CDH2: variants seen among roughly 807,000 people sequenced by gnomAD.
CDH2 encodes the protein cadherin-2.
Under a neutral mutation model 92.0 loss-of-function variants are expected in CDH2, and 17 were observed. The observed-to-expected ratio is 0.18, with a 90% CI of 0.13 to 0.28. CDH2 has a LOEUF of 0.28. CDH2 is among the 10% of genes least tolerant of loss of function. The probability of loss-of-function intolerance (pLI) is 1.00; values close to 1 mark genes in which losing one functional copy is unlikely to be tolerated. For synonymous variants in CDH2, 419 were observed against 415.9 expected (o/e 1.01, Z -0.09); for missense variants, 862 against 1,133.1 (o/e 0.76, Z 3.44).
At chr18:28,078,035 G>A (rs979449337) in intron 2 of CDH2, among the ~76,000 whole-genome samples, 1 of 151,584 alleles carries the variant, frequency 6.6e-6, no homozygotes, top group Non-Finnish European at 1.5e-5. Context: ...CAACATCAAA[G>A]TTGGACATAA....
At chr18:28,133,919 G>T (rs2144300316) in intron 2 of CDH2, among the ~76,000 whole-genome samples, 1 of 152,214 alleles carries the variant, frequency 6.6e-6, no homozygotes, top group Admixed American at 6.5e-5. Context: ...AACACTCTGG[G>T]AGGCCGAAGC....
intron 14 of CDH2, among the ~76,000 whole-genome samples, chr18:27,971,280 T>C (rs1242092892): frequency 6.7e-6 from 1 of 149,902 alleles, no homozygotes; most frequent in Admixed American, 6.6e-5. Flanking sequence ...GCTAGAACAC[T>C]GGCCTATAGC....
At chr18:28,034,644 A>G (rs1415763114) in intron 2 of CDH2, among the ~76,000 whole-genome samples, 2 of 151,968 alleles carry the variant, frequency 1.3e-5, no homozygotes, top group Non-Finnish European at 2.9e-5. Context: ...CTTTTGCTAA[A>G]GTTCGTATGT....
At chr18:28,091,039 T>C (rs2015027712) in intron 2 of CDH2, among the ~76,000 whole-genome samples, 1 of 152,208 alleles carries the variant, frequency 6.6e-6, no homozygotes, top group Non-Finnish European at 1.5e-5. Context: ...TTGCATTTAA[T>C]TGCATAGGCT....
intron 2 of CDH2, among the ~76,000 whole-genome samples, chr18:28,135,039 G>A (rs1026829518): frequency 3.3e-5 from 5 of 152,096 alleles, no homozygotes; most frequent in African/African-American, 9.7e-5. Context: ...TCCAGACTGC[G>A]TACAGATACG....
intron 6 of CDH2, among the ~76,000 whole-genome samples, chr18:27,941,287 G>A (rs770341686): frequency 6.6e-6 from 1 of 151,882 alleles, no homozygotes; most frequent in Admixed American, 6.6e-5. Context: ...CGCCCGTCTC[G>A]GCCTCCTAAA....
chr18:27,963,689 C>T, intron 14 of CDH2, 168 bp from the exon 15 acceptor site: 2 of 598,298 alleles, frequency 3.3e-6, no homozygotes, highest in Non-Finnish European at 5.9e-6. Flanking sequence ...ATTTCTTTCA[C>T]ACAGCTCTTT....
chr18:28,176,558 C>G (rs1365079190), intron 1 of CDH2, among the ~76,000 whole-genome samples: 2 of 152,170 alleles, frequency 1.3e-5, no homozygotes, highest in African/African-American at 4.8e-5. Context: ...CGACCCATCC[C>G]TGCAGAAATA....
At chr18:28,097,611 AT>A (rs777739672) in intron 2 of CDH2, among the ~76,000 whole-genome samples, 3 of 152,208 alleles carry the variant, frequency 2.0e-5, no homozygotes, top group Non-Finnish European at 4.4e-5. Flanking sequence ...CATAGTGTGT[AT>A]TATAAGTAAT....
intron 2 of CDH2, among the ~76,000 whole-genome samples, chr18:28,027,160 C>T (rs975460854): frequency 1.3e-5 from 2 of 152,098 alleles, no homozygotes; most frequent in African/African-American, 4.8e-5. Context: ...GTGTTAAACA[C>T]AGAAAACTGG....
chr18:28,090,531 C>T (rs1268636918), intron 2 of CDH2, among the ~76,000 whole-genome samples: 1 of 152,178 alleles, frequency 6.6e-6, no homozygotes, highest in African/African-American at 2.4e-5. Flanking sequence ...CGTCCACAAG[C>T]ATCTGCTCAG....
intron 1 of CDH2, among the ~76,000 whole-genome samples, chr18:28,154,146 C>A (rs2016170701): frequency 1.3e-5 from 2 of 152,194 alleles, no homozygotes; most frequent in South Asian, 4.1e-4. Flanking sequence ...AGCTTAGCAA[C>A]AACAAAAAGG....
rs28365275 is a variant in CDH2, at chr18:27,980,058, A to T, written c.2349+2886T>A. Among the ~76,000 whole-genome samples the T allele has an allele frequency of 1.6e-4, 24 of 152,358 alleles. No individual in the cohort carries two copies. The East Asian group carries it at 4.6e-3, about 29-fold the overall frequency. Reference sequence around the variant, plus strand: ...ACTGAATGAAAATATAGAATCAGACAAGCCCTTTCTAGGAGAAGATCCACA... The same window carrying T: ...ACTGAATGAAAATATAGAATCAGACTAGCCCTTTCTAGGAGAAGATCCACA... On this transcript the variant is annotated intron_variant, in intron 14 of 15. Coordinates refer to ENST00000269141, the MANE Select transcript of CDH2 (RefSeq NM_001792.5).
At chr18:28,176,264 C>T (rs898169901) in intron 1 of CDH2, among the ~76,000 whole-genome samples, 1 of 152,194 alleles carries the variant, frequency 6.6e-6, no homozygotes, top group African/African-American at 2.4e-5. Context: ...AACTTCTCGC[C>T]CGGGGGAGAT....
chr18:28,003,318 C>G (rs996581147), intron 6 of CDH2, 149 bp from the exon 7 acceptor site: 2 of 568,570 alleles, frequency 3.5e-6, no homozygotes, highest in African/African-American at 3.7e-5. Flanking sequence ...AAATGCTACT[C>G]ATAAGAACAG....
downstream of CDH2, among the ~76,000 whole-genome samples, chr18:27,947,506 AAAAG>A (rs1298686774): frequency 2.0e-5 from 3 of 151,862 alleles, no homozygotes; most frequent in Admixed American, 6.6e-5. Flanking sequence ...AAATGCGAAA[AAAAG>A]AACGTAAGAA....
At chr18:28,105,532 T>C (rs2015306537) in intron 2 of CDH2, among the ~76,000 whole-genome samples, 1 of 152,008 alleles carries the variant, frequency 6.6e-6, no homozygotes, top group Non-Finnish European at 1.5e-5. Context: ...AGAAAAAAAA[T>C]ACAGTCTCAA....
chr18:27,985,346 C>T (rs45460393), intron 12 of CDH2, 113 bp from the exon 13 acceptor site: 10 of 781,856 alleles, frequency 1.3e-5, no homozygotes, highest in Admixed American at 2.6e-5. Context: ...AAGCGGATTA[C>T]AACTATGCTG....
At chr18:28,027,651 G>A (rs184201149) in intron 2 of CDH2, among the ~76,000 whole-genome samples, 1 of 152,036 alleles carries the variant, frequency 6.6e-6, no homozygotes, top group Admixed American at 6.6e-5. Context: ...TAAACTACTG[G>A]GAAAGCAGCA....
Sources: allele counts gnomAD v4.1 joint callset (sites outside exome capture counted in the v4.1 genomes callset), GRCh38; gene constraint gnomAD v4.1.1; transcripts MANE v1.5; gene names NCBI Gene and HGNC (gene_info 2026-07-23, HGNC 2026-07-21).